UGGT1: variants seen among roughly 807,000 people sequenced by gnomAD.
UGGT1 encodes UDP-glucose glycoprotein glucosyltransferase 1, also known as UDP-glucose:glycoprotein glucosyltransferase 1.
Under a neutral mutation model 203.9 loss-of-function variants are expected in UGGT1, and 107 were observed. The ratio of observed to expected loss-of-function variants is 0.52; its 90% CI spans 0.45 to 0.62. The LOEUF (loss-of-function observed/expected upper bound fraction) is 0.62, where lower values mean the gene tolerates loss of function less well. Among genes scored for constraint, UGGT1 ranks in the 20% least tolerant of loss-of-function variants. The pLI is 0.00. For missense variants in UGGT1, 1,673 were observed against 1,867.2 expected, an observed-to-expected ratio of 0.90 and a Z score of 1.92; for synonymous variants, 628 against 653.5, an observed-to-expected ratio of 0.96 and a Z score of 0.59.
In UGGT1 at chr2:128,191,569, T is replaced by G. The variant is rs1313405789; in HGVS notation, c.*1827T>G. The G allele has an allele frequency of 2.0e-5, 3 of 152,348 alleles. No homozygotes were observed. Among genetic ancestry groups the G allele is most frequent in the Admixed American group, 6.5e-5 (1 of 15,272 alleles). 9.4% of individuals were successfully genotyped at this position (152,348 alleles called of 1,614,324 possible). ...GATGGGATCAGTAAGATTAAAAAAC[T>G]TTTGTTCGGCCAGGCGTGGTGGCTC... is the stretch of plus-strand genomic sequence containing the variant. On this transcript the variant is annotated 3_prime_UTR_variant, in exon 41 of 41. Transcript: ENST00000259253.
Position 128,164,775 on chromosome 2 carries a change from A to G in UGGT1, c.2871A>G (p.Gln957=). 6.2e-7 allele frequency: 1 copy of G among 1,612,886 alleles called. No individual in the cohort carries two copies. The highest frequency in any genetic ancestry group is 8.5e-7 in the Non-Finnish European group (1 of 1,179,560). Residue 957 remains glutamine, a synonymous_variant, in exon 26 of 41, where the codon CAA becomes CAG. Coordinates refer to ENST00000259253, the MANE Select transcript of UGGT1 (RefSeq NM_020120.4). ...VMKVDALLSA[Q]PKGDPRIEYQ... The stretch of plus-strand genomic sequence containing the variant: ...AGGTGGATGCTCTTCTGTCAGCGCA[A>G]CCAAAAGGAGATCCAAGAATCGAGT...
At position 128,091,527 on chromosome 2, in the gene UGGT1, C is replaced by T. The variant is rs374365326; in HGVS notation, c.58+112C>T. On this transcript the variant is annotated intron_variant, in intron 1 of 40. Coordinates refer to ENST00000259253, the MANE Select transcript of UGGT1 (RefSeq NM_020120.4). ...TCCGCCTCTACCGTGACTCAGTTTACCCTCTGGTGTCCTATCCCTTCCCCT... is the reference window on the plus strand; with the variant it reads ...TCCGCCTCTACCGTGACTCAGTTTATCCTCTGGTGTCCTATCCCTTCCCCT... 1.2e-4 allele frequency: 178 copies of T among 1,482,426 alleles called. No individual in the cohort carries two copies. In the South Asian group the frequency reaches 1.5e-3, roughly 12 times the overall value. The allele number at this position is 1,482,426 out of a possible 1,614,324, so 91.8% of individuals were successfully genotyped here.
At chr2:128,116,244 G>A (rs1688094471) in intron 7 of UGGT1, 21 bp from the exon 8 acceptor site, 1 of 1,464,588 alleles carries the variant, frequency 6.8e-7, no homozygotes, top group South Asian at 1.2e-5. Flanking sequence ...TTAATAATAT[G>A]TATTTTCTAT....
chr2:128,164,578 A>G (rs1369886518), intron 25 of UGGT1, 152 bp from the exon 26 acceptor site: 3 of 605,572 alleles, frequency 5.0e-6, no homozygotes, highest in Non-Finnish European at 6.0e-6. Flanking sequence ...TTATACCACT[A>G]ATCACTCTTT....
intron 11 of UGGT1, among the ~76,000 whole-genome samples, chr2:128,124,058 TC>T (rs1446474265): frequency 2.0e-5 from 3 of 152,090 alleles, no homozygotes; most frequent in African/African-American, 7.2e-5. Context: ...CCATTCTTCT[TC>T]CTCAGCCTCC....
chr2:128,165,064 A>C (rs1325410109), intron 26 of UGGT1, among the ~76,000 whole-genome samples: 3 of 152,218 alleles, frequency 2.0e-5, no homozygotes, highest in Non-Finnish European at 2.9e-5. Context: ...AATAACTCTG[A>C]GTGCACCCTT....
In UGGT1 at chr2:128,189,129, G is replaced by T. The variant is rs532450278; in HGVS notation, c.4643-588G>T. ...GATAATGCCATTTGTTTGGGAGGCG[G>T]TGATGAAACCGTTGTGGATGTAGCT... On this transcript the variant is annotated intron_variant, in intron 40 of 40. Coordinates refer to ENST00000259253, the MANE Select transcript of UGGT1 (RefSeq NM_020120.4). Among the ~76,000 whole-genome samples, 5 of 152,318 alleles carry T rather than the reference G, an allele frequency of 3.3e-5. No individual in the cohort carries two copies. In the South Asian group the frequency reaches 1.0e-3, roughly 32 times the overall value.
intron 22 of UGGT1, among the ~76,000 whole-genome samples, chr2:128,158,971 T>A (rs564453207): frequency 3.3e-5 from 5 of 152,280 alleles, no homozygotes; most frequent in Admixed American, 2.0e-4. Flanking sequence ...TATGCTATAT[T>A]TACCGGGAAG....
intron 2 of UGGT1, 22 bp downstream of exon 2, chr2:128,097,586 C>T: frequency 6.2e-7 from 1 of 1,612,658 alleles, no homozygotes; most frequent in Non-Finnish European, 8.5e-7. Context: ...TTTTTTTTCC[C>T]TTCGTGTATT....
At position 128,173,447 on chromosome 2, in the gene UGGT1, G is replaced by A. The variant is rs377598607; in HGVS notation, c.3295-334G>A. Among the ~76,000 whole-genome samples the A allele has an allele frequency of 6.6e-5, 10 of 151,986 alleles. No homozygotes were observed. In the East Asian group the frequency reaches 7.7e-4, roughly 12 times the overall value. On this transcript the variant is annotated intron_variant, in intron 29 of 40. Transcript: ENST00000259253. Reference sequence around the variant, plus strand: ...TCCTCGTTCGTATTTTTAGAATAACGTCCTTATTGTTTTTTTCTCCTTTCT... The same window carrying A: ...TCCTCGTTCGTATTTTTAGAATAACATCCTTATTGTTTTTTTCTCCTTTCT...
chr2:128,186,306 G>C (rs1012251358), intron 38 of UGGT1, among the ~76,000 whole-genome samples: 1 of 152,106 alleles, frequency 6.6e-6, no homozygotes, highest in African/African-American at 2.4e-5. Context: ...TGTTCTATAC[G>C]TTTGTCTCCA....
chr2:128,100,029 C>CCT (rs1491402357), intron 2 of UGGT1, among the ~76,000 whole-genome samples: 1 of 77,370 alleles, frequency 1.3e-5, no homozygotes, highest in African/African-American at 5.1e-5. Flanking sequence ...CCCCCCCCCC[C>CCT]ACCCTACTTA....
chr2:128,152,965 A>T (rs979769328), intron 19 of UGGT1, 61 bp downstream of exon 19: 45 of 1,596,884 alleles, frequency 2.8e-5, no homozygotes, highest in Non-Finnish European at 3.7e-5. Flanking sequence ...GAATCTTTAC[A>T]TTTTTCAGAT....
intron 16 of UGGT1, among the ~76,000 whole-genome samples, chr2:128,141,587 G>A (rs1689427605): frequency 6.6e-6 from 1 of 151,574 alleles, no homozygotes; most frequent in South Asian, 2.1e-4. Context: ...CCTGGGTGAC[G>A]AAGCGAGACT....
At chr2:128,165,409 A>G (rs1690738846) in intron 26 of UGGT1, among the ~76,000 whole-genome samples, 1 of 152,180 alleles carries the variant, frequency 6.6e-6, no homozygotes, top group Non-Finnish European at 1.5e-5. Flanking sequence ...AAAATTAAAC[A>G]GAGATTGGCT....
chr2:128,126,059 A>G (rs775786032), intron 11 of UGGT1, among the ~76,000 whole-genome samples: 1 of 150,322 alleles, frequency 6.7e-6, no homozygotes, highest in Non-Finnish European at 1.5e-5. Context: ...CTCCTGCCTC[A>G]GCCTCCCGAG....
At chr2:128,153,189 T>G (rs1690060613) in intron 19 of UGGT1, among the ~76,000 whole-genome samples, 1 of 152,170 alleles carries the variant, frequency 6.6e-6, no homozygotes, top group Non-Finnish European at 1.5e-5. Flanking sequence ...AGACAATAGA[T>G]GATGAGAATG....
chr2:128,106,795 C>A (rs2105353588), intron 3 of UGGT1, among the ~76,000 whole-genome samples: 1 of 152,220 alleles, frequency 6.6e-6, no homozygotes, highest in South Asian at 2.1e-4. Context: ...GGTGATCCAC[C>A]CACCTGCCCC....
intron 37 of UGGT1, 81 bp downstream of exon 37, chr2:128,182,371 A>T: frequency 6.8e-7 from 1 of 1,469,408 alleles, no homozygotes. Flanking sequence ...GTGAATAGGT[A>T]ATACATTGGT....
Sources: gnomAD v4.1 joint callset for allele counts (sites outside exome capture counted in the v4.1 genomes callset) on GRCh38, gnomAD v4.1.1 for gene constraint, MANE v1.5 for transcripts, NCBI Gene and HGNC (gene_info 2026-07-23, HGNC 2026-07-21) for gene names.